The following PAK5 variants were observed in gnomAD, a reference collection of about 807,000 sequenced individuals.
PAK5 encodes p21 (RAC1) activated kinase 5.
PAK5 carries 16 observed loss-of-function variants against 65.9 expected under a neutral mutation model. The observed-to-expected ratio is 0.24, with a 90% CI of 0.16 to 0.37. The LOEUF is 0.37. Among genes scored for constraint, PAK5 ranks in the 10% least tolerant of loss-of-function variants. PAK5 has a pLI of 1.00. For synonymous variants in PAK5, 371 were observed against 354.9 expected, an observed-to-expected ratio of 1.05 and a Z score of -0.51; for missense variants, 785 against 903.9, an observed-to-expected ratio of 0.87 and a Z score of 1.69.
intron 1 of PAK5, among the ~76,000 whole-genome samples, chr20:9,762,121 G>T (rs904974411): frequency 9.2e-5 from 14 of 151,994 alleles, no homozygotes; most frequent in Non-Finnish European, 1.3e-4. Flanking sequence ...ACTTAAAATG[G>T]ATTAAAGACT....
intron 1 of PAK5, among the ~76,000 whole-genome samples, chr20:9,798,784 G>C (rs2049134383): frequency 6.6e-6 from 1 of 152,122 alleles, no homozygotes; most frequent in Non-Finnish European, 1.5e-5. Context: ...GGTTCATCAA[G>C]GATGATGGTT....
intron 2 of PAK5, among the ~76,000 whole-genome samples, chr20:9,683,215 G>C (rs548899226): frequency 6.6e-6 from 1 of 152,158 alleles, no homozygotes; most frequent in African/African-American, 2.4e-5. Flanking sequence ...CCTGCCTCTG[G>C]CTCTGTTCTC....
At chr20:9,799,480 T>A (rs2049142827) in intron 1 of PAK5, among the ~76,000 whole-genome samples, 1 of 152,104 alleles carries the variant, frequency 6.6e-6, no homozygotes, top group African/African-American at 2.4e-5. Flanking sequence ...TATGGTATGA[T>A]TATAGCTCCA....
intron 2 of PAK5, among the ~76,000 whole-genome samples, chr20:9,704,609 C>T (rs1332442074): frequency 6.6e-6 from 1 of 152,134 alleles, no homozygotes; most frequent in Non-Finnish European, 1.5e-5. Context: ...GGTATCTTGT[C>T]TGCAACTACT....
rs182718584 is a variant in PAK5 at position 9,833,288 on chromosome 20, G to A, written c.-162+5474C>T. Among the ~76,000 whole-genome samples, 13 of 152,016 alleles carry A rather than the reference G, an allele frequency of 8.6e-5. No individual in the cohort carries two copies. The East Asian group carries it at 2.5e-3, about 29-fold the overall frequency. Reference sequence around the variant, plus strand: ...AAGAATGACCTAAATCTGTTTCCAGGCTCTTCTATTCCACTGAGCTATTAA... The same window carrying A: ...AAGAATGACCTAAATCTGTTTCCAGACTCTTCTATTCCACTGAGCTATTAA... On this transcript the variant is annotated intron_variant, in intron 1 of 9. Coordinates refer to ENST00000353224, the MANE Select transcript of PAK5 (RefSeq NM_177990.4).
At position 9,717,615 on chromosome 20, in the gene PAK5, GTTTTGTTTTGTTT is replaced by G. The variant is rs148366720; in HGVS notation, c.-161-6193_-161-6181del. On this transcript the variant is annotated intron_variant, in intron 1 of 9. Transcript: ENST00000353224. Reference sequence around the variant, plus strand: ...TTATGCCATTTCGTTTTGTTTTCTTGTTTTGTTTTGTTTTTGAGACCAAGGACCAAGTCTCATT... The same window carrying G: ...TTATGCCATTTCGTTTTGTTTTCTTGTTGAGACCAAGGACCAAGTCTCATT... 6.4e-3 allele frequency among the ~76,000 whole-genome samples: 977 copies of G among 152,262 alleles called. 6 individuals carry two copies. The highest frequency in any genetic ancestry group is 0.022 in the African/African-American group (929 of 41,562).
chr20:9,725,794 T>C (rs1389678578), intron 1 of PAK5, among the ~76,000 whole-genome samples: 1 of 152,298 alleles, frequency 6.6e-6, no homozygotes, highest in Non-Finnish European at 1.5e-5. Context: ...CTAGTCATTA[T>C]ATGAGTAAAT....
chr20:9,708,982 T>C (rs2048044191), intron 2 of PAK5, among the ~76,000 whole-genome samples: 1 of 152,140 alleles, frequency 6.6e-6, no homozygotes. Flanking sequence ...GCATCACCTC[T>C]GAATAAACAC....
chr20:9,658,239 T>C (rs201693271), intron 2 of PAK5, among the ~76,000 whole-genome samples: 2 of 152,200 alleles, frequency 1.3e-5, no homozygotes, highest in East Asian at 3.8e-4. Flanking sequence ...TGGCCCCAAA[T>C]ACTGTGGGCT....
At chr20:9,571,615 T>C (rs2045783178) in intron 4 of PAK5, among the ~76,000 whole-genome samples, 1 of 152,252 alleles carries the variant, frequency 6.6e-6, no homozygotes, top group Non-Finnish European at 1.5e-5. Flanking sequence ...TGATGTTTGA[T>C]ACTTATTGAG....
At chr20:9,801,331 A>G (rs2049166212) in intron 1 of PAK5, among the ~76,000 whole-genome samples, 1 of 151,970 alleles carries the variant, frequency 6.6e-6, no homozygotes, top group African/African-American at 2.4e-5. Flanking sequence ...ATATTTATAT[A>G]GATATAAATA....
intron 2 of PAK5, among the ~76,000 whole-genome samples, chr20:9,672,885 T>C (rs888117440): frequency 6.6e-6 from 1 of 152,128 alleles, no homozygotes; most frequent in African/African-American, 2.4e-5. Context: ...TGAGCAGCAA[T>C]AGCTTCACCT....
chr20:9,767,253 A>G (rs774071950), intron 1 of PAK5, among the ~76,000 whole-genome samples: 1 of 152,224 alleles, frequency 6.6e-6, no homozygotes, highest in Non-Finnish European at 1.5e-5. Flanking sequence ...GAAAGATGAG[A>G]TCATAAAGGA....
intron 1 of PAK5, chr20:9,818,837 T>C (rs2049387200): frequency 6.6e-6 from 1 of 152,128 alleles, no homozygotes; most frequent in Admixed American, 6.5e-5. Context: ...GAACACAGGC[T>C]GGTATGAAGG....
At chr20:9,734,293 G>A (rs1211319809) in intron 1 of PAK5, among the ~76,000 whole-genome samples, 1 of 152,144 alleles carries the variant, frequency 6.6e-6, no homozygotes, top group Non-Finnish European at 1.5e-5. Context: ...CAGGCCAAAG[G>A]TCTGTTTGGA....
chr20:9,838,687 C>G lies in PAK5; in HGVS notation c.-162+75G>C, dbSNP rs377255484. ...CAAAGAGAGATGCTCCGGTTACCAG[C>G]GGCGCGCATCCCCGCAGGCGCCTCT... On this transcript the variant is annotated intron_variant, in intron 1 of 9. Coordinates refer to ENST00000353224, the MANE Select transcript of PAK5 (RefSeq NM_177990.4). This position sits in a 1 kb window ranked among gnomAD's most constrained non-coding sequence, Gnocchi z 4.5. 7.9e-5 allele frequency: 12 copies of G among 152,376 alleles called. No individual in the cohort carries two copies. The highest frequency in any genetic ancestry group is 1.9e-4 in the East Asian group (1 of 5,154). The allele number at this position is 152,376 out of a possible 1,614,324, so 9.4% of individuals were successfully genotyped here. A position where few individuals can be genotyped will look rare whatever the true frequency, so the allele number is the denominator to read the frequency against.
chr20:9,703,183 C>T (rs1463299390), intron 2 of PAK5, among the ~76,000 whole-genome samples: 2 of 152,202 alleles, frequency 1.3e-5, no homozygotes, highest in Non-Finnish European at 2.9e-5. Flanking sequence ...ATTTGAAGAA[C>T]CACCCCAGAA....
chr20:9,562,941 G>A lies in PAK5; in HGVS notation c.1566C>T (p.Val522=). 2 of 1,613,646 alleles carry A rather than the reference G, an allele frequency of 1.2e-6. No individual in the cohort carries two copies. ...SYLVGDELWV[V]MEFLEGGALT... ...AGGCACCACCTTCTAGAAACTCCAT[G>A]ACCACCCAGAGCTCATCGCCGACAA... Residue 522 remains valine (V), a synonymous_variant, in exon 6 of 10, where the codon GTC becomes GTT. Coordinates refer to ENST00000353224, the MANE Select transcript of PAK5 (RefSeq NM_177990.4).
intron 2 of PAK5, among the ~76,000 whole-genome samples, chr20:9,687,985 G>T (rs1352362997): frequency 6.6e-6 from 1 of 151,832 alleles, no homozygotes; most frequent in Non-Finnish European, 1.5e-5. Flanking sequence ...GTCCAGGAAG[G>T]CTCTGAGATG....
Sources: gnomAD v4.1 joint callset for allele counts (sites outside exome capture counted in the v4.1 genomes callset) on GRCh38, gnomAD v4.1.1 for gene constraint, Gnocchi (gnomAD v3.1) non-coding constraint, MANE v1.5 for transcripts, NCBI Gene and HGNC (gene_info 2026-07-23, HGNC 2026-07-21) for gene names.